The following TNR variants were observed in gnomAD, a reference collection of about 807,000 sequenced individuals.
TNR encodes tenascin-R.
In TNR, 45 loss-of-function variants were observed where a neutral mutation model predicts 150.4. The observed-to-expected ratio is 0.30, with a 90% CI of 0.24 to 0.38. The LOEUF (loss-of-function observed/expected upper bound fraction) is 0.38. Among genes scored for constraint, TNR ranks in the 10% least tolerant of loss-of-function variants. The pLI, the probability that TNR is intolerant of heterozygous loss-of-function variation, is 1.00. For synonymous variants in TNR, 687 were observed against 678.4 expected (o/e 1.01, Z -0.20); for missense variants, 1,544 against 1,759.1 (o/e 0.88, Z 2.19).
intron 1 of TNR, among the ~76,000 whole-genome samples, chr1:175,575,737 G>C (rs547372084): frequency 1.0e-3 from 153 of 152,292 alleles, no homozygotes; most frequent in African/African-American, 3.6e-3. Context: ...AGGTGGGAGA[G>C]AGCCCGCACC....
chr1:175,566,442 A>G (rs978340522), intron 1 of TNR, among the ~76,000 whole-genome samples: 8 of 152,256 alleles, frequency 5.3e-5, no homozygotes, highest in Non-Finnish European at 1.2e-4. Flanking sequence ...TTGCAAGAGA[A>G]CAGCCTGTGC....
At position 175,684,705 on chromosome 1, in the gene TNR, G is replaced by A. The variant is rs140322714; in HGVS notation, c.-165+58521C>T. On this transcript the variant is annotated intron_variant, in intron 1 of 22. Coordinates refer to ENST00000367674, the MANE Select transcript of TNR (RefSeq NM_003285.3). ...TCTTTGAATACCTTCTCTGTCAAAT[G>A]CTCCATGAAAAAGAGTGCTCTATAG... 1.5e-3 allele frequency among the ~76,000 whole-genome samples: 230 copies of A among 152,244 alleles called. 4 individuals are homozygous for A. The highest frequency in any genetic ancestry group is 5.4e-3 in the African/African-American group (223 of 41,542).
intron 1 of TNR, among the ~76,000 whole-genome samples, chr1:175,581,600 T>G (rs1289614917): frequency 6.6e-6 from 1 of 152,230 alleles, no homozygotes; most frequent in East Asian, 1.9e-4. Flanking sequence ...TCTGATCTTC[T>G]TGAACTTCTA....
chr1:175,482,244 T>C (rs565681177), intron 2 of TNR, among the ~76,000 whole-genome samples: 4 of 152,352 alleles, frequency 2.6e-5, no homozygotes, highest in Admixed American at 2.0e-4. Context: ...GATGACCGCA[T>C]TAATCAGACC....
chr1:175,401,594 A>AT (rs1210361301), intron 4 of TNR, among the ~76,000 whole-genome samples: 4 of 152,012 alleles, frequency 2.6e-5, no homozygotes, highest in South Asian at 4.2e-4. Flanking sequence ...GGAACATTAA[A>AT]TTTTTTTCCC....
chr1:175,362,430 T>A (rs1249440234), intron 14 of TNR, among the ~76,000 whole-genome samples: 3 of 152,218 alleles, frequency 2.0e-5, no homozygotes, highest in Non-Finnish European at 4.4e-5. Flanking sequence ...GGAAGTTCCA[T>A]GAAAATTCCT....
At chr1:175,539,933 C>T (rs1341307327) in intron 1 of TNR, among the ~76,000 whole-genome samples, 2 of 152,110 alleles carry the variant, frequency 1.3e-5, no homozygotes, top group African/African-American at 2.4e-5. Context: ...TTAAGGACTG[C>T]CATGGAAGAC....
intron 1 of TNR, among the ~76,000 whole-genome samples, chr1:175,646,070 A>T (rs1195523252): frequency 2.0e-5 from 3 of 152,218 alleles, no homozygotes; most frequent in Non-Finnish European, 4.4e-5. Context: ...AGTATATTAA[A>T]GGGTGAATGT....
intron 7 of TNR, among the ~76,000 whole-genome samples, chr1:175,386,657 G>C (rs1415303450): frequency 6.6e-6 from 1 of 151,650 alleles, no homozygotes; most frequent in Non-Finnish European, 1.5e-5. Flanking sequence ...GGTTTCTGGC[G>C]TGTGTCTGCC....
chr1:175,357,607 C>A (rs1384717341), intron 15 of TNR, among the ~76,000 whole-genome samples: 1 of 152,184 alleles, frequency 6.6e-6, no homozygotes, highest in African/African-American at 2.4e-5. Context: ...TCTGCAAATG[C>A]CCACAGTCTG....
chr1:175,494,728 G>C (rs1658408185), intron 2 of TNR, among the ~76,000 whole-genome samples: 1 of 152,176 alleles, frequency 6.6e-6, no homozygotes. Flanking sequence ...GTTAACAGTG[G>C]CACACCATGT....
At chr1:175,567,676 C>T (rs1292237201) in intron 1 of TNR, among the ~76,000 whole-genome samples, 2 of 152,166 alleles carry the variant, frequency 1.3e-5, no homozygotes, top group Non-Finnish European at 2.9e-5. Flanking sequence ...CCTGGGACCT[C>T]TGCCCCTGTA....
At chr1:175,527,770 GC>G (rs1291336871) in intron 2 of TNR, among the ~76,000 whole-genome samples, 1 of 152,110 alleles carries the variant, frequency 6.6e-6, no homozygotes, top group African/African-American at 2.4e-5. Context: ...AATTAGGAAA[GC>G]TTTTAAATTA....
chr1:175,725,077 T>A (rs185595202), intron 1 of TNR, among the ~76,000 whole-genome samples: 196 of 152,150 alleles, frequency 1.3e-3, no homozygotes, highest in African/African-American at 4.5e-3. Flanking sequence ...TGCTTGAAGG[T>A]TTTAAGCAGG....
intron 2 of TNR, among the ~76,000 whole-genome samples, chr1:175,431,322 C>A (rs1037282356): frequency 1.3e-5 from 2 of 152,186 alleles, no homozygotes; most frequent in African/African-American, 4.8e-5. Context: ...AAACAATAGA[C>A]ATGTTCTCAT....
intron 1 of TNR, among the ~76,000 whole-genome samples, chr1:175,616,551 ATC>A (rs1663782850): frequency 6.6e-6 from 1 of 152,104 alleles, no homozygotes; most frequent in Non-Finnish European, 1.5e-5. Flanking sequence ...AGGAAACAAA[ATC>A]TCTTCTCTGG....
rs1391620029 is a variant in TNR, at chr1:175,365,106, G to A, written c.2491C>T (p.Leu831=). 4 of 1,613,960 alleles carry A rather than the reference G, an allele frequency of 2.5e-6. No individual in the cohort carries two copies. The highest frequency in any genetic ancestry group is 2.5e-6 in the Non-Finnish European group (3 of 1,180,012). Residue 831 remains leucine, a synonymous_variant, in exon 12 of 23, where the codon CTG becomes TTG. Coordinates refer to ENST00000367674, the MANE Select transcript of TNR (RefSeq NM_003285.3). ...SLDATKRHAV[L]MGLQPATEYI... is the part of the protein sequence containing the mutation. ...TCTGTGGCTGGTTGCAGGCCCATCA[G>A]GACAGCATGCCTCTTGGTGGCATCC...
chr1:175,734,202 T>C (rs1277873437), intron 1 of TNR, among the ~76,000 whole-genome samples: 2 of 152,192 alleles, frequency 1.3e-5, no homozygotes, highest in Non-Finnish European at 2.9e-5. Context: ...GTGCCCCTGA[T>C]CTCCAGCCTC....
At chr1:175,720,630 C>T (rs1355284312) in intron 1 of TNR, among the ~76,000 whole-genome samples, 1 of 152,152 alleles carries the variant, frequency 6.6e-6, no homozygotes, top group African/African-American at 2.4e-5. Context: ...ATGAGATAAG[C>T]AGTCAAATAG....
Sources: gnomAD v4.1 joint callset for allele counts (sites outside exome capture counted in the v4.1 genomes callset) on GRCh38, gnomAD v4.1.1 for gene constraint, MANE v1.5 for transcripts, NCBI Gene and HGNC (gene_info 2026-07-23, HGNC 2026-07-21) for gene names.